Variants in GPC5 observed in about 807,000 individuals in gnomAD.
The protein encoded by GPC5 is glypican-5.
GPC5 carries 47 observed loss-of-function variants against 53.9 expected under a neutral mutation model. The ratio of observed to expected loss-of-function variants is 0.87; its 90% CI spans 0.69 to 1.11. The LOEUF is 1.11. Among genes scored for constraint, GPC5 ranks in the 50% most tolerant of loss-of-function variants. GPC5 has a pLI of 0.00. For missense variants in GPC5, 748 were observed against 713.1 expected (o/e 1.05, Z -0.56); for synonymous variants, 286 against 263.3 (o/e 1.09, Z -0.84).
intron 6 of GPC5, among the ~76,000 whole-genome samples, chr13:92,005,403 C>G (rs2040597311): frequency 6.6e-6 from 1 of 152,148 alleles, no homozygotes; most frequent in African/African-American, 2.4e-5. Flanking sequence ...CTACAGCCCT[C>G]TTGATTCTAG....
intron 7 of GPC5, among the ~76,000 whole-genome samples, chr13:92,518,204 C>G (rs1344298150): frequency 6.6e-6 from 1 of 152,172 alleles, no homozygotes; most frequent in East Asian, 1.9e-4. Flanking sequence ...AAACACTCTT[C>G]AGGATATTAC....
At chr13:91,882,408 T>A (rs979133126) in intron 5 of GPC5, among the ~76,000 whole-genome samples, 1 of 152,034 alleles carries the variant, frequency 6.6e-6, no homozygotes, top group African/African-American at 2.4e-5. Flanking sequence ...CACAATTAAA[T>A]GTGACATTCA....
intron 7 of GPC5, among the ~76,000 whole-genome samples, chr13:92,732,744 C>A (rs1338842912): frequency 6.6e-6 from 1 of 151,710 alleles, no homozygotes; most frequent in Non-Finnish European, 1.5e-5. Context: ...GCCTGCTGCA[C>A]AATCTACTAA....
At chr13:91,591,452 C>T (rs1210095721) in intron 2 of GPC5, among the ~76,000 whole-genome samples, 1 of 152,034 alleles carries the variant, frequency 6.6e-6, no homozygotes, top group Admixed American at 6.6e-5. Context: ...AGCCGGGGTT[C>T]TTGGTATTTT....
At chr13:92,314,569 G>T (rs2043166107) in intron 7 of GPC5, among the ~76,000 whole-genome samples, 1 of 152,118 alleles carries the variant, frequency 6.6e-6, no homozygotes, top group Non-Finnish European at 1.5e-5. Context: ...CATCGCTGGG[G>T]CAGCAAATGG....
intron 2 of GPC5, among the ~76,000 whole-genome samples, chr13:91,541,146 T>C (rs2029903962): frequency 6.6e-6 from 1 of 152,222 alleles, no homozygotes; most frequent in Admixed American, 6.5e-5. Flanking sequence ...CTCATTCACA[T>C]GATTAAAATT....
chr13:91,818,208 T>C (rs1411615454), intron 5 of GPC5, among the ~76,000 whole-genome samples: 1 of 152,186 alleles, frequency 6.6e-6, no homozygotes, highest in South Asian at 2.1e-4. Flanking sequence ...AAGCACCATA[T>C]TTTTTCCTCC....
At chr13:92,208,647 G>A (rs1352190656) in intron 7 of GPC5, among the ~76,000 whole-genome samples, 2 of 152,082 alleles carry the variant, frequency 1.3e-5, no homozygotes, top group Non-Finnish European at 2.9e-5. Flanking sequence ...TGACTTTAAG[G>A]CAATAAAGAA....
chr13:91,445,568 A>T (rs1594100296), intron 1 of GPC5, among the ~76,000 whole-genome samples: 1 of 152,156 alleles, frequency 6.6e-6, no homozygotes, highest in Non-Finnish European at 1.5e-5. Context: ...TTCATCTCCC[A>T]GCTACAAGTG....
At position 92,087,425 on chromosome 13, in the gene GPC5, C is replaced by T. The variant is rs117655926; in HGVS notation, c.1402-57405C>T. 1.1e-3 allele frequency among the ~76,000 whole-genome samples: 174 copies of T among 152,244 alleles called. 1 individual carries two copies. Among genetic ancestry groups the T allele is most frequent in the Non-Finnish European group, 2.0e-3 (134 of 68,010 alleles). On this transcript the variant is annotated intron_variant, in intron 6 of 7. Coordinates refer to ENST00000377067, the MANE Select transcript of GPC5 (RefSeq NM_004466.6). ...TTTATATTTAATAAATATTTATCAT[C>T]TAAGTGGATTAGTTACCCTCCATTA...
chr13:92,191,133 T>C (rs572661981), intron 7 of GPC5, among the ~76,000 whole-genome samples: 1 of 152,248 alleles, frequency 6.6e-6, no homozygotes, highest in South Asian at 2.1e-4. Context: ...GGGCATTATA[T>C]AGTGATAAAG....
intron 2 of GPC5, among the ~76,000 whole-genome samples, chr13:91,496,041 AAAAT>A (rs1041031402): frequency 6.6e-5 from 10 of 151,278 alleles, no homozygotes; most frequent in African/African-American, 2.2e-4. Context: ...TAAAAAATAA[AAAAT>A]AAATAAAAAA....
At position 92,289,053 on chromosome 13, in the gene GPC5, C is replaced by A. The variant is rs1174253324; in HGVS notation, c.1561+144064C>A. ...TCTCCATGTTTTCTTGCTTTTAATT[C>A]TTCCATTTATGTCAACAGGAGAATA... On this transcript the variant is annotated intron_variant, in intron 7 of 7. Transcript: ENST00000377067. 2.7e-5 allele frequency among the ~76,000 whole-genome samples: 4 copies of A among 150,604 alleles called. No individual in the cohort carries two copies. In the East Asian group the frequency reaches 7.8e-4, roughly 29 times the overall value.
rs79921284 is a variant in GPC5 at position 92,000,203 on chromosome 13, A to G, written c.1401+92146A>G. Among the ~76,000 whole-genome samples, 1,272 of 152,256 alleles carry G rather than the reference A, an allele frequency of 8.4e-3. 20 individuals carry two copies. Among genetic ancestry groups the G allele is most frequent in the African/African-American group, 0.029 (1,207 of 41,556 alleles). ...GTCTTCCCAAAATTCTTAACAGCAT[A>G]TGCTTAGACCAAAAGAGTGGTTTCT... On this transcript the variant is annotated intron_variant, in intron 6 of 7. Coordinates refer to ENST00000377067, the MANE Select transcript of GPC5 (RefSeq NM_004466.6).
At chr13:92,704,607 G>A (rs1343060364) in intron 7 of GPC5, among the ~76,000 whole-genome samples, 1 of 151,756 alleles carries the variant, frequency 6.6e-6, no homozygotes, top group Non-Finnish European at 1.5e-5. Flanking sequence ...ACTAATATGT[G>A]AAATATTACA....
At chr13:92,810,673 T>A (rs566868609) in intron 7 of GPC5, among the ~76,000 whole-genome samples, 1 of 152,070 alleles carries the variant, frequency 6.6e-6, no homozygotes, top group African/African-American at 2.4e-5. Flanking sequence ...ATACTTCATA[T>A]AAGTGGAATC....
chr13:91,722,301 G>A (rs2036490855), intron 3 of GPC5, among the ~76,000 whole-genome samples: 1 of 152,096 alleles, frequency 6.6e-6, no homozygotes, highest in Admixed American at 6.6e-5. Context: ...AACGACATTG[G>A]CCCTGCAGCC....
chr13:91,982,884 G>C (rs1302605980), intron 6 of GPC5, among the ~76,000 whole-genome samples: 1 of 152,126 alleles, frequency 6.6e-6, no homozygotes, highest in Non-Finnish European at 1.5e-5. Flanking sequence ...TTCCGAGTCA[G>C]GGTAACCTTT....
At chr13:91,891,791 T>C (rs1181636449) in intron 5 of GPC5, among the ~76,000 whole-genome samples, 3 of 152,122 alleles carry the variant, frequency 2.0e-5, no homozygotes, top group African/African-American at 7.2e-5. Flanking sequence ...TTTCATGAAT[T>C]CATCAGTTTC....
Sources: gnomAD v4.1 joint callset for allele counts (sites outside exome capture counted in the v4.1 genomes callset) on GRCh38, gnomAD v4.1.1 for gene constraint, MANE v1.5 for transcripts, NCBI Gene and HGNC (gene_info 2026-07-23, HGNC 2026-07-21) for gene names.